The following PM20D1 variants were observed in gnomAD, a reference collection of about 807,000 sequenced individuals.
PM20D1 encodes the protein N-fatty-acyl-amino acid synthase/hydrolase PM20D1.
Under a neutral mutation model 53.8 loss-of-function variants are expected in PM20D1, and 53 were observed. The observed-to-expected ratio is 0.98, with a 90% CI of 0.79 to 1.24. The LOEUF (loss-of-function observed/expected upper bound fraction) is 1.24. PM20D1 is among the 50% of genes most tolerant of loss of function. PM20D1 has a pLI of 0.00. For synonymous variants in PM20D1, 239 were observed against 241.3 expected, an observed-to-expected ratio of 0.99 and a Z score of 0.09; for missense variants, 564 against 616.8, an observed-to-expected ratio of 0.91 and a Z score of 0.91.
Position 205,841,827 on chromosome 1 carries a change from A to G in PM20D1, c.1028T>C (p.Phe343Ser). 1 of 1,569,450 alleles carries G rather than the reference A, an allele frequency of 6.4e-7. No individual in the cohort carries two copies. The highest frequency in any genetic ancestry group is 8.7e-7 in the Non-Finnish European group (1 of 1,154,302). Residue 343 changes from phenylalanine (F) to serine (S), a missense_variant, in exon 9 of 13, where the codon TTC becomes TCC. By Grantham distance (155) the Phe-to-Ser change is radical (BLOSUM62 -2). Transcript: ENST00000367136. ...IIRTTTALTI[F>S]KAGVKFNVIP... ...GGATGTTACCTTGACCCCTGCTTTGAATATGGTGAGTGCCGTGGTGGTCCT... is the reference window on the plus strand; with the variant it reads ...GGATGTTACCTTGACCCCTGCTTTGGATATGGTGAGTGCCGTGGTGGTCCT...
intron 10 of PM20D1, among the ~76,000 whole-genome samples, chr1:205,833,162 A>G (rs764547711): frequency 2.0e-5 from 3 of 152,248 alleles, no homozygotes; most frequent in Non-Finnish European, 4.4e-5. Flanking sequence ...AGCTATTCTT[A>G]CGAAAAGCAC....
rs1416518729 is a variant in PM20D1 at position 205,831,981 on chromosome 1, C to T, written c.1285+617G>A. ...TGTGAAAAAGGCAAATTCCAGGGTC[C>T]CTTCCAGATTTGGTTAACCCAAATC... On this transcript the variant is annotated intron_variant, in intron 11 of 12. Transcript: ENST00000367136. Among the ~76,000 whole-genome samples, 5 of 152,090 alleles carry T rather than the reference C, an allele frequency of 3.3e-5. No homozygotes were observed. In the East Asian group the frequency reaches 9.6e-4, roughly 29 times the overall value.
chr1:205,846,257 G>T (rs539515232), intron 2 of PM20D1, among the ~76,000 whole-genome samples: 1 of 151,924 alleles, frequency 6.6e-6, no homozygotes, highest in Non-Finnish European at 1.5e-5. Flanking sequence ...GTGGTGGCAC[G>T]TACTTGTAAT....
At chr1:205,832,883 G>A (rs926041172) in intron 10 of PM20D1, 117 bp from the exon 11 acceptor site, 1 of 1,216,796 alleles carries the variant, frequency 8.2e-7, no homozygotes, top group Admixed American at 3.2e-5. Flanking sequence ...TTACAGACAG[G>A]ACTTATTTTT....
intron 10 of PM20D1, among the ~76,000 whole-genome samples, chr1:205,839,322 G>T (rs1159391274): frequency 6.6e-6 from 1 of 152,190 alleles, no homozygotes; most frequent in Non-Finnish European, 1.5e-5. Context: ...GAAGTAGCAT[G>T]AATTTCTTTC....
chr1:205,834,999 G>A, intron 10 of PM20D1, among the ~76,000 whole-genome samples: 1 of 152,206 alleles, frequency 6.6e-6, no homozygotes, highest in Admixed American at 6.5e-5. Context: ...AAGAATAGGT[G>A]TTGATTCATT....
rs1656777049 is a variant in PM20D1 at position 205,840,271 on chromosome 1, G to T, written c.1097C>A (p.Pro366His). Residue 366 changes from proline to histidine, a missense_variant, in exon 10 of 13, where the codon CCT (proline) becomes CAT (histidine). Physicochemically the swap from Pro to His is moderately conservative, Grantham distance 77 (BLOSUM62 -2). Coordinates refer to ENST00000367136, the MANE Select transcript of PM20D1 (RefSeq NM_152491.5). ...ACATACCTCTTGGACTGTCTGTCCA[G>T]GGTGAATCCGGAAGTTGACTGTGGC... ...AQATVNFRIH[P>H]GQTVQEVLEL... is the part of the protein sequence containing the mutation. 2 of 1,614,004 alleles carry T rather than the reference G, an allele frequency of 1.2e-6. No homozygotes were observed. Among genetic ancestry groups the T allele is most frequent in the East Asian group, 2.2e-5 (1 of 44,874 alleles).
In PM20D1 at chr1:205,830,371, T is replaced by A. The variant is rs957291591; in HGVS notation, c.1294A>T (p.Ile432Phe). ...EVNITAPVTS[I>F]GNTDSRFFTN... The stretch of plus-strand genomic sequence containing the variant: ...AAGAATCGGCTGTCTGTGTTGCCAA[T>A]AGAAGTAACTAGAGAGGGAAGATCA... The change falls in exon 12 of 13, where the codon ATT (isoleucine) becomes TTT (phenylalanine). Residue 432 changes from isoleucine (I) to phenylalanine (F), a missense_variant. By Grantham distance (21) the Ile-to-Phe change is conservative. Transcript: ENST00000367136. 1 of 1,602,034 alleles carries A rather than the reference T, an allele frequency of 6.2e-7. No homozygotes were observed.
chr1:205,830,035 C>T (rs1656523459), intron 12 of PM20D1: 2 of 403,044 alleles, frequency 5.0e-6, no homozygotes, highest in East Asian at 8.4e-5. Flanking sequence ...CCAGGTTCTC[C>T]CCAATCACCC....
At position 205,840,389 on chromosome 1, in the gene PM20D1, G is replaced by A; in HGVS notation, c.1045-66C>T. On this transcript the variant is annotated intron_variant, in intron 9 of 12. Coordinates refer to ENST00000367136, the MANE Select transcript of PM20D1 (RefSeq NM_152491.5). ...AAATCTTCTACATCTGCCTGCCCAGGAAATGCTAATTTCCTCAGCTCAGGC... is the reference window on the plus strand; with the variant it reads ...AAATCTTCTACATCTGCCTGCCCAGAAAATGCTAATTTCCTCAGCTCAGGC... The A allele has an allele frequency of 1.0e-5, 15 of 1,466,478 alleles. No homozygotes were observed. In the South Asian group the frequency reaches 1.7e-4, roughly 17 times the overall value. The allele number at this position is 1,466,478 out of a possible 1,614,324, so 90.8% of individuals were successfully genotyped here.
Position 205,844,045 on chromosome 1 carries a change from T to C in PM20D1, c.707+42A>G, listed in dbSNP as rs77052023. On this transcript the variant is annotated intron_variant, in intron 5 of 12. Transcript: ENST00000367136. ...CAGGCTGGGGTCATCTCAAATGGGGTGAGAATTCCCTCCAAGGTGTGGGGT... is the reference window on the plus strand; with the variant it reads ...CAGGCTGGGGTCATCTCAAATGGGGCGAGAATTCCCTCCAAGGTGTGGGGT... The C allele has an allele frequency of 6.0e-3, 9,363 of 1,573,322 alleles. 485 individuals are homozygous for C. In the African/African-American group the frequency reaches 0.11, roughly 19 times the overall value.
At chr1:205,843,843 A>G (rs1656876297) in intron 5 of PM20D1, 57 bp from the exon 6 acceptor site, 8 of 1,586,764 alleles carry the variant, frequency 5.0e-6, no homozygotes, top group Non-Finnish European at 6.8e-6. Context: ...GAATTCTCCC[A>G]TAGGCCCATA....
intron 10 of PM20D1, among the ~76,000 whole-genome samples, chr1:205,834,144 G>A (rs920963446): frequency 7.2e-6 from 1 of 138,176 alleles, no homozygotes; most frequent in African/African-American, 2.7e-5. Context: ...CATCATGCCT[G>A]GCCAAGAGTA....
chr1:205,840,502 C>T (rs1319004061), intron 9 of PM20D1, among the ~76,000 whole-genome samples, 179 bp from the exon 10 acceptor site: 3 of 152,174 alleles, frequency 2.0e-5, no homozygotes, highest in Non-Finnish European at 4.4e-5. Flanking sequence ...ATGTTATATT[C>T]AGAGCTGAAG....
chr1:205,829,233 T>A (rs887467739), intron 12 of PM20D1, among the ~76,000 whole-genome samples: 2 of 152,216 alleles, frequency 1.3e-5, no homozygotes, highest in African/African-American at 2.4e-5. Flanking sequence ...CTCATTATGT[T>A]GCCCAGGCTG....
Position 205,849,892 on chromosome 1 carries a change from A to G in PM20D1, c.169+12T>C, listed in dbSNP as rs1386018346. On this transcript the variant is annotated intron_variant, in intron 1 of 12. Coordinates refer to ENST00000367136, the MANE Select transcript of PM20D1 (RefSeq NM_152491.5). The stretch of plus-strand genomic sequence containing the variant: ...ATATGAGCATAGGTGGGTGAAGGGG[A>G]CCCGGGTTCACCTTTCAGCGCCTCT... 1 of 1,605,670 alleles carries G rather than the reference A, an allele frequency of 6.2e-7. No homozygotes were observed. Among genetic ancestry groups the G allele is most frequent in the Admixed American group, 1.7e-5 (1 of 59,712 alleles).
chr1:205,835,524 C>T (rs753819341), intron 10 of PM20D1, among the ~76,000 whole-genome samples: 4 of 151,840 alleles, frequency 2.6e-5, no homozygotes, highest in African/African-American at 7.3e-5. Flanking sequence ...TGGTGGCGGG[C>T]GCCTGGAGTC....
intron 4 of PM20D1, among the ~76,000 whole-genome samples, chr1:205,844,542 T>C (rs1244194855): frequency 6.6e-6 from 1 of 151,930 alleles, no homozygotes; most frequent in Non-Finnish European, 1.5e-5. Context: ...ATCACACGTA[T>C]GTTTCTTAGG....
chr1:205,834,703 A>G (rs1202706403), intron 10 of PM20D1, among the ~76,000 whole-genome samples: 2 of 152,242 alleles, frequency 1.3e-5, no homozygotes, highest in Non-Finnish European at 2.9e-5. Context: ...CCCATTGGCA[A>G]GTTTCTGAAG....
Sources: allele counts gnomAD v4.1 joint callset (sites outside exome capture counted in the v4.1 genomes callset), GRCh38; gene constraint gnomAD v4.1.1; transcripts MANE v1.5; gene names NCBI Gene and HGNC (gene_info 2026-07-23, HGNC 2026-07-21).